NETO2: variants seen among roughly 807,000 people sequenced by gnomAD.
The protein encoded by NETO2 is neuropilin and tolloid-like protein 2.
A neutral mutation model predicts 62.5 loss-of-function variants in NETO2; 28 were observed. The observed-to-expected ratio is 0.45, with a 90% CI of 0.33 to 0.61. The LOEUF (loss-of-function observed/expected upper bound fraction) is 0.61. Ranked by LOEUF, NETO2 falls within the 20% of genes least tolerant of loss-of-function variation. The probability of loss-of-function intolerance (pLI) is 0.02; values close to 1 mark genes in which losing one functional copy is unlikely to be tolerated. For synonymous variants in NETO2, 214 were observed against 219.1 expected (o/e 0.98, Z 0.21); for missense variants, 548 against 643.2 (o/e 0.85, Z 1.60).
At chr16:47,141,639 C>A (rs571306902) in intron 1 of NETO2, among the ~76,000 whole-genome samples, 2 of 152,302 alleles carry the variant, frequency 1.3e-5, no homozygotes, top group South Asian at 4.1e-4. Flanking sequence ...CCACAGACGA[C>A]TTTAAAAATA....
chr16:47,118,799 G>A (rs912898528), intron 6 of NETO2, among the ~76,000 whole-genome samples: 1 of 152,090 alleles, frequency 6.6e-6, no homozygotes, highest in Non-Finnish European at 1.5e-5. Context: ...CATTGCATCT[G>A]TAAACATTTC....
At chr16:47,094,527 G>A (rs1278757171) in intron 7 of NETO2, among the ~76,000 whole-genome samples, 3 of 151,328 alleles carry the variant, frequency 2.0e-5, no homozygotes, top group Non-Finnish European at 4.4e-5. Flanking sequence ...CCGGGTTCAC[G>A]CCATTCTCCT....
chr16:47,114,767 GAT>G lies in NETO2; in HGVS notation c.655-5058_655-5057del, dbSNP rs1392533809. ...GCCCAGCCTGAATTTTTCTTTTATG[GAT>G]ACTCTTTCGGTGTTGCATCTAAGAA... is the stretch of plus-strand genomic sequence containing the variant. On this transcript the variant is annotated intron_variant, in intron 6 of 8. Coordinates refer to ENST00000562435, the MANE Select transcript of NETO2 (RefSeq NM_018092.5). Among the ~76,000 whole-genome samples the G allele has an allele frequency of 3.3e-5, 5 of 151,910 alleles. No individual in the cohort carries two copies. The South Asian group carries it at 6.2e-4, about 19-fold the overall frequency.
At chr16:47,092,996 C>T (rs964187440) in intron 7 of NETO2, among the ~76,000 whole-genome samples, 2 of 152,160 alleles carry the variant, frequency 1.3e-5, no homozygotes, top group Non-Finnish European at 2.9e-5. Flanking sequence ...GTCCTCACTG[C>T]CCCTGCTTAG....
intron 6 of NETO2, among the ~76,000 whole-genome samples, chr16:47,120,772 ATTTTCTCTATTGTTTAATAAC>A (rs1339054153): frequency 6.6e-6 from 1 of 151,688 alleles, no homozygotes; most frequent in East Asian, 1.9e-4. Context: ...TTTGTAGACT[ATTTTCTCTATTGTTTAATAAC>A]TTTTCTCCTT....
At chr16:47,111,610 C>G (rs1169995580) in intron 6 of NETO2, among the ~76,000 whole-genome samples, 2 of 152,182 alleles carry the variant, frequency 1.3e-5, no homozygotes, top group African/African-American at 4.8e-5. Context: ...CTTACCCTAT[C>G]CCTATATCCT....
intron 6 of NETO2, among the ~76,000 whole-genome samples, chr16:47,117,424 T>C (rs1454371388): frequency 6.6e-6 from 1 of 152,208 alleles, no homozygotes; most frequent in Non-Finnish European, 1.5e-5. Context: ...TTTGGGACTT[T>C]TTAGCAATTT....
intron 7 of NETO2, among the ~76,000 whole-genome samples, chr16:47,095,179 C>T (rs754105286): frequency 1.3e-5 from 2 of 152,130 alleles, no homozygotes; most frequent in Non-Finnish European, 2.9e-5. Flanking sequence ...AACACAATCT[C>T]CATAGTAACC....
chr16:47,137,221 C>T (rs1020821615), intron 1 of NETO2, among the ~76,000 whole-genome samples: 1 of 152,224 alleles, frequency 6.6e-6, no homozygotes, highest in Non-Finnish European at 1.5e-5. Flanking sequence ...GGTCCTCAAA[C>T]TTTAATGTGC....
At chr16:47,130,885 C>T (rs1200388179) in intron 2 of NETO2, among the ~76,000 whole-genome samples, 1 of 152,008 alleles carries the variant, frequency 6.6e-6, no homozygotes, top group Non-Finnish European at 1.5e-5. Flanking sequence ...TGACCCTTTA[C>T]AGAAAAAGTG....
In NETO2 at chr16:47,081,314, C is replaced by G. The variant is rs1179372930; in HGVS notation, c.*1907G>C. The G allele has an allele frequency of 6.6e-6, 1 of 152,018 alleles. No homozygotes were observed. The highest frequency in any genetic ancestry group is 1.5e-5 in the Non-Finnish European group (1 of 67,950). 9.4% of individuals were successfully genotyped at this position (152,018 alleles called of 1,614,324 possible). A position where few individuals can be genotyped will look rare whatever the true frequency, so the allele number is the denominator to read the frequency against. On this transcript the variant is annotated 3_prime_UTR_variant, in exon 9 of 9. Transcript: ENST00000562435. ...TAAGTTACCTACTAAAATGCTTATT[C>G]AGCATAACTACTGAAAAAACTTAGC...
chr16:47,119,903 C>G (rs992479846), intron 6 of NETO2, among the ~76,000 whole-genome samples: 3 of 152,096 alleles, frequency 2.0e-5, no homozygotes, highest in African/African-American at 7.2e-5. Context: ...TAGCTGAGCA[C>G]GTGTATCTGT....
chr16:47,133,551 C>A (rs1964309317), intron 1 of NETO2, among the ~76,000 whole-genome samples: 1 of 151,028 alleles, frequency 6.6e-6, no homozygotes, highest in Admixed American at 6.6e-5. Flanking sequence ...AGAGTGAGAC[C>A]ATGCCTCAAT....
chr16:47,142,178 T>C (rs1964473145), intron 1 of NETO2, among the ~76,000 whole-genome samples: 1 of 152,202 alleles, frequency 6.6e-6, no homozygotes, highest in South Asian at 2.1e-4. Context: ...CAGGAATGAC[T>C]GTAAAAATTA....
intron 7 of NETO2, among the ~76,000 whole-genome samples, chr16:47,092,958 T>C (rs1004805982): frequency 2.6e-5 from 4 of 152,234 alleles, no homozygotes; most frequent in Non-Finnish European, 5.9e-5. Context: ...CATTGAATCC[T>C]GTGGATTCCG....
Position 47,142,020 on chromosome 16 carries a change from G to A in NETO2, c.34+1559C>T, listed in dbSNP as rs558583060. ...GATCTACGCGATTTCATCCGGGGGT[G>A]CTCTCGGATGCACGGTCAGTAGCAT... On this transcript the variant is annotated intron_variant, in intron 1 of 8. Coordinates refer to ENST00000562435, the MANE Select transcript of NETO2 (RefSeq NM_018092.5). 2.0e-5 allele frequency among the ~76,000 whole-genome samples: 3 copies of A among 152,210 alleles called. No homozygotes were observed. The South Asian group carries it at 6.2e-4, about 32-fold the overall frequency.
rs370961674 is a variant in NETO2, at chr16:47,083,551, C to T, written c.1248G>A (p.Ser416=). The T allele has an allele frequency of 2.2e-5, 36 of 1,614,022 alleles. No homozygotes were observed. The highest frequency in any genetic ancestry group is 1.6e-4 in the East Asian group (7 of 44,896). ...KEISADLADL[S]EELDNYQKMR... is the part of the protein sequence containing the mutation. ...TCTTCTGGTAGTTGTCCAATTCTTC[C>T]GACAAGTCTGCCAGGTCTGCAGAAA... The change falls in exon 9 of 9, where the codon TCG becomes TCA. Residue 416 remains serine, a synonymous_variant. Transcript: ENST00000562435.
rs1963016316 is a variant in NETO2, at chr16:47,078,813, A to G, written c.*4408T>C. On this transcript the variant is annotated 3_prime_UTR_variant, in exon 9 of 9. Transcript: ENST00000562435. ...ATACTGTTAACAAACATTGCTTAGT[A>G]AGAATTCACGGTGCCAAGGAATCAT... 6.6e-6 allele frequency: 1 copy of G among 152,242 alleles called. No individual in the cohort carries two copies. The highest frequency in any genetic ancestry group is 2.1e-4 in the South Asian group (1 of 4,834). 9.4% of individuals were successfully genotyped at this position (152,242 alleles called of 1,614,324 possible). A position where few individuals can be genotyped will look rare whatever the true frequency, so the allele number is the denominator to read the frequency against.
In NETO2 at chr16:47,098,880, CT is replaced by C. The variant is rs1009286970; in HGVS notation, c.883+10602del. Among the ~76,000 whole-genome samples the C allele has an allele frequency of 6.6e-5, 10 of 151,704 alleles. No homozygotes were observed. The South Asian group carries it at 1.5e-3, about 22-fold the overall frequency. Reference sequence around the variant, plus strand: ...AGAGTGGGGGCCAATATGCAACATTCTTTTTTTTTGTGTATGTGACGGAGTC... The same window carrying C: ...AGAGTGGGGGCCAATATGCAACATTCTTTTTTTTGTGTATGTGACGGAGTC... On this transcript the variant is annotated intron_variant, in intron 7 of 8. Coordinates refer to ENST00000562435, the MANE Select transcript of NETO2 (RefSeq NM_018092.5).
Sources: allele counts gnomAD v4.1 joint callset (sites outside exome capture counted in the v4.1 genomes callset), GRCh38; gene constraint gnomAD v4.1.1; transcripts MANE v1.5; gene names NCBI Gene and HGNC (gene_info 2026-07-23, HGNC 2026-07-21).